Variants in PALLD observed in about 807,000 individuals in gnomAD.
PALLD encodes palladin, cytoskeletal associated protein, also known as palladin.
In PALLD, 61 loss-of-function variants were observed where a neutral mutation model predicts 123.5. The ratio of observed to expected loss-of-function variants is 0.49; its 90% CI spans 0.40 to 0.61. The LOEUF (loss-of-function observed/expected upper bound fraction) is 0.61, where lower values mean the gene tolerates loss of function less well. Among genes scored for constraint, PALLD ranks in the 20% least tolerant of loss-of-function variants. The probability of loss-of-function intolerance (pLI) is 0.00; values close to 1 mark genes in which losing one functional copy is unlikely to be tolerated. For missense variants in PALLD, 1,273 were observed against 1,377.0 expected (o/e 0.92, Z 1.20); for synonymous variants, 465 against 496.4 (o/e 0.94, Z 0.84).
At chr4:168,625,122 G>T (rs922418718) in intron 2 of PALLD, among the ~76,000 whole-genome samples, 6 of 152,016 alleles carry the variant, frequency 3.9e-5, no homozygotes, top group African/African-American at 1.4e-4. Context: ...GATATTAAAT[G>T]TATAATAGAA....
intron 10 of PALLD, among the ~76,000 whole-genome samples, chr4:168,756,827 A>G (rs1731957871): frequency 6.6e-6 from 1 of 152,198 alleles, no homozygotes; most frequent in Non-Finnish European, 1.5e-5. Flanking sequence ...CCATGAGACT[A>G]TTTGCTGTCT....
chr4:168,753,587 G>A (rs965412779), intron 10 of PALLD, among the ~76,000 whole-genome samples: 1 of 152,072 alleles, frequency 6.6e-6, no homozygotes, highest in East Asian at 1.9e-4. Context: ...TAGTGGGGGT[G>A]ACAGTGTGTC....
intron 3 of PALLD, among the ~76,000 whole-genome samples, chr4:168,671,305 A>C (rs1023785618): frequency 6.6e-6 from 1 of 152,180 alleles, no homozygotes; most frequent in African/African-American, 2.4e-5. Context: ...AGTCCTTTCA[A>C]ATCATCTGCC....
intron 2 of PALLD, among the ~76,000 whole-genome samples, chr4:168,658,091 T>C (rs115376441): frequency 0.018 from 2,694 of 152,246 alleles, 82 homozygotes; most frequent in African/African-American, 0.062. Context: ...CCCAGGTATT[T>C]ACCCCAGACA....
At chr4:168,522,069 C>T (rs1162663787) in intron 2 of PALLD, among the ~76,000 whole-genome samples, 2 of 152,292 alleles carry the variant, frequency 1.3e-5, no homozygotes, top group African/African-American at 2.4e-5. Context: ...ATTTAGAACA[C>T]CTTCCAAAAA....
intron 10 of PALLD, among the ~76,000 whole-genome samples, chr4:168,801,105 A>G (rs1333740871): frequency 6.6e-6 from 1 of 152,192 alleles, no homozygotes; most frequent in East Asian, 1.9e-4. Context: ...GTAAAGTTAG[A>G]AAGAAAATCA....
chr4:168,876,931 GC>G (rs950383902), intron 10 of PALLD, among the ~76,000 whole-genome samples: 27 of 152,234 alleles, frequency 1.8e-4, no homozygotes, highest in Admixed American at 9.2e-4. Flanking sequence ...ATCATTGCTA[GC>G]TGCTTACTCT....
intron 2 of PALLD, among the ~76,000 whole-genome samples, chr4:168,634,922 T>A (rs1378361405): frequency 2.0e-5 from 3 of 152,230 alleles, no homozygotes. Flanking sequence ...TATTATATGC[T>A]TGACCTCTCC....
At chr4:168,608,008 A>G (rs1773354675) in intron 2 of PALLD, among the ~76,000 whole-genome samples, 1 of 152,090 alleles carries the variant, frequency 6.6e-6, no homozygotes, top group African/African-American at 2.4e-5. Context: ...GCTGCTCACA[A>G]GTTTGCATTT....
At chr4:168,843,027 C>T (rs911187419) in intron 10 of PALLD, among the ~76,000 whole-genome samples, 8 of 152,110 alleles carry the variant, frequency 5.3e-5, no homozygotes, top group South Asian at 4.1e-4. Flanking sequence ...TCATAGTATA[C>T]GAAGGCCAGG....
At chr4:168,630,771 G>C (rs1456871596) in intron 2 of PALLD, among the ~76,000 whole-genome samples, 2 of 152,180 alleles carry the variant, frequency 1.3e-5, no homozygotes, top group Non-Finnish European at 2.9e-5. Flanking sequence ...TTCTGGGACT[G>C]GAAGATGGAA....
intron 10 of PALLD, chr4:168,878,367 T>C: frequency 6.6e-6 from 10 of 1,515,794 alleles, no homozygotes; most frequent in Non-Finnish European, 8.8e-6. Context: ...GTCAACGCCC[T>C]GGGGCTGCCC....
intron 2 of PALLD, among the ~76,000 whole-genome samples, chr4:168,543,374 G>T (rs1765831138): frequency 6.6e-6 from 1 of 150,778 alleles, no homozygotes; most frequent in Non-Finnish European, 1.5e-5. Context: ...CAACTGCAGG[G>T]ACTACAGTTA....
Position 168,921,769 on chromosome 4 carries a change from C to G in PALLD, c.3058+28C>G, listed in dbSNP as rs114820369. 8.6e-4 allele frequency: 1,314 copies of G among 1,529,640 alleles called. 13 individuals are homozygous for G. In the African/African-American group the frequency reaches 0.015, roughly 18 times the overall value. The allele number at this position is 1,529,640 out of a possible 1,614,324, so 94.8% of individuals were successfully genotyped here. ...AGGCTCATCTGTGAATCCTTGCTCTCTGACAGAATGAACATCAGACTTACA... is the reference window on the plus strand; with the variant it reads ...AGGCTCATCTGTGAATCCTTGCTCTGTGACAGAATGAACATCAGACTTACA... On this transcript the variant is annotated intron_variant, in intron 18 of 21. Coordinates refer to ENST00000505667, the MANE Select transcript of PALLD (RefSeq NM_001166108.2).
intron 10 of PALLD, among the ~76,000 whole-genome samples, chr4:168,770,214 T>A (rs1734206170): frequency 6.6e-6 from 1 of 152,240 alleles, no homozygotes; most frequent in African/African-American, 2.4e-5. Flanking sequence ...TCTGGTAATA[T>A]TCAGACTTGG....
intron 2 of PALLD, among the ~76,000 whole-genome samples, chr4:168,635,546 GGCATATGC>G (rs1776256242): frequency 6.6e-6 from 1 of 152,150 alleles, no homozygotes; most frequent in Non-Finnish European, 1.5e-5. Flanking sequence ...CAATCCTCAA[GGCATATGC>G]CATAGTCTAA....
chr4:168,699,066 A>T (rs1203079493), intron 8 of PALLD, among the ~76,000 whole-genome samples: 1 of 152,076 alleles, frequency 6.6e-6, no homozygotes, highest in South Asian at 2.1e-4. Context: ...TTGACAATTT[A>T]AAAAAATCCT....
intron 2 of PALLD, among the ~76,000 whole-genome samples, chr4:168,593,440 A>AGAAAAAG (rs1554047279): frequency 1.4e-5 from 2 of 140,896 alleles, no homozygotes; most frequent in Non-Finnish European, 3.0e-5. Flanking sequence ...ACCAGGCAAA[A>AGAAAAAG]AAAAAAGAAA....
chr4:168,762,572 T>C (rs148272996), intron 10 of PALLD, among the ~76,000 whole-genome samples: 3,668 of 152,326 alleles, frequency 0.024, 147 homozygotes, highest in African/African-American at 0.082. Context: ...TTTACACTGT[T>C]GGTGGGATTG....
Sources: gnomAD v4.1 joint callset for allele counts (sites outside exome capture counted in the v4.1 genomes callset) on GRCh38, gnomAD v4.1.1 for gene constraint, MANE v1.5 for transcripts, NCBI Gene and HGNC (gene_info 2026-07-23, HGNC 2026-07-21) for gene names.